Variants in PDE11A observed in about 807,000 individuals in gnomAD.
PDE11A encodes dual 3',5'-cyclic-AMP and -GMP phosphodiesterase 11A.
PDE11A carries 100 observed loss-of-function variants against 100.5 expected under a neutral mutation model. That is an observed-to-expected ratio of 1.00 (90% CI 0.85 to 1.18). PDE11A has a LOEUF of 1.18. PDE11A is among the 50% of genes most tolerant of loss of function. The pLI, the probability that PDE11A is intolerant of heterozygous loss-of-function variation, is 0.00. For synonymous variants in PDE11A, 381 were observed against 420.8 expected (o/e 0.91, Z 1.16); for missense variants, 1,141 against 1,152.6 (o/e 0.99, Z 0.15).
intron 2 of PDE11A, among the ~76,000 whole-genome samples, chr2:177,911,131 T>G (rs906089870): frequency 2.0e-5 from 3 of 152,228 alleles, no homozygotes; most frequent in African/African-American, 7.2e-5. Context: ...TGATAAAGCT[T>G]CACTGATTTG....
chr2:177,653,918 G>C (rs146477544), intron 19 of PDE11A, among the ~76,000 whole-genome samples: 357 of 152,316 alleles, frequency 2.3e-3, no homozygotes, highest in African/African-American at 8.2e-3. Flanking sequence ...CTGAAAGGCA[G>C]ATCGGCTGGC....
At chr2:177,837,534 C>T (rs7592278) in intron 6 of PDE11A, among the ~76,000 whole-genome samples, 15,811 of 149,868 alleles carry the variant, frequency 0.11, 1,126 homozygotes, top group Non-Finnish European at 0.15. Flanking sequence ...AGTGCAGTGG[C>T]GCGATCTCAG....
Position 178,057,115 on chromosome 2 carries a change from A to G in PDE11A, c.912+14411T>C, listed in dbSNP as rs185964703. 1.5e-3 allele frequency among the ~76,000 whole-genome samples: 225 copies of G among 152,318 alleles called. 2 individuals carry two copies. Among genetic ancestry groups the G allele is most frequent in the African/African-American group, 5.1e-3 (211 of 41,552 alleles). Reference sequence around the variant, plus strand: ...GAAGCATGATAGATAAATGCATTTAACTATTCCTTTGAGCTTTGGAGCATT... The same window carrying G: ...GAAGCATGATAGATAAATGCATTTAGCTATTCCTTTGAGCTTTGGAGCATT... On this transcript the variant is annotated intron_variant, in intron 1 of 19. Coordinates refer to ENST00000286063, the MANE Select transcript of PDE11A (RefSeq NM_016953.4).
At chr2:177,782,306 C>T (rs539492065) in intron 9 of PDE11A, among the ~76,000 whole-genome samples, 21 of 152,184 alleles carry the variant, frequency 1.4e-4, no homozygotes, top group Non-Finnish European at 2.5e-4. Context: ...GGGTCTATGT[C>T]CCTTCCCTTT....
At chr2:177,799,447 C>A (rs566932352) in intron 9 of PDE11A, among the ~76,000 whole-genome samples, 1 of 152,214 alleles carries the variant, frequency 6.6e-6, no homozygotes, top group East Asian at 1.9e-4. Context: ...TAAATCTAAA[C>A]TGTCATAAAA....
chr2:177,631,546 T>TATATATACATGTATATATATATATAC (rs1553529169), intron 19 of PDE11A, among the ~76,000 whole-genome samples: 1 of 16,616 alleles, frequency 6.0e-5, no homozygotes, highest in Non-Finnish European at 1.3e-4. Flanking sequence ...TATATATATA[T>TATATATACATGTATATATATATATAC]ACACATGTAT....
At chr2:178,101,997 T>G (rs1260238608) in intron 2 of PDE11A, among the ~76,000 whole-genome samples, 2 of 152,154 alleles carry the variant, frequency 1.3e-5, no homozygotes. Flanking sequence ...AGGGTCTCAC[T>G]CTGTCACCCA....
chr2:177,743,709 G>C (rs976032136), intron 10 of PDE11A, among the ~76,000 whole-genome samples: 4 of 152,188 alleles, frequency 2.6e-5, no homozygotes, highest in African/African-American at 7.2e-5. Context: ...TAACTAACTT[G>C]CTGGTAAGAA....
chr2:177,664,032 A>G lies in PDE11A; in HGVS notation c.2563-83T>C, dbSNP rs879056221. The G allele has an allele frequency of 2.5e-5, 21 of 828,492 alleles. No individual in the cohort carries two copies. In the East Asian group the frequency reaches 2.7e-4, roughly 11 times the overall value. The allele number at this position is 828,492 out of a possible 1,614,324, so 51.3% of individuals were successfully genotyped here. On this transcript the variant is annotated intron_variant, in intron 18 of 19. Transcript: ENST00000286063. The stretch of plus-strand genomic sequence containing the variant: ...CTTTGTCAAACACTTTGCTAGAATG[A>G]TCCATTTTTTTTACAAACTGAACCC...
intron 15 of PDE11A, chr2:177,683,250 G>C (rs544408540): frequency 6.6e-6 from 1 of 152,216 alleles, no homozygotes; most frequent in Non-Finnish European, 1.5e-5. Context: ...GCAGGTCAAG[G>C]CCATACTACA....
chr2:178,037,063 A>C (rs1390650418), intron 1 of PDE11A, among the ~76,000 whole-genome samples: 1 of 152,224 alleles, frequency 6.6e-6, no homozygotes, highest in Non-Finnish European at 1.5e-5. Context: ...AGCAAAAGAA[A>C]CTATCATCAG....
At chr2:177,746,992 G>A (rs1490418051) in intron 10 of PDE11A, among the ~76,000 whole-genome samples, 1 of 152,174 alleles carries the variant, frequency 6.6e-6, no homozygotes, top group Non-Finnish European at 1.5e-5. Context: ...AAAAACTGAG[G>A]ATAGAGGCAG....
chr2:177,946,630 G>A (rs2085435963), intron 2 of PDE11A, among the ~76,000 whole-genome samples: 2 of 128,126 alleles, frequency 1.6e-5, no homozygotes, highest in African/African-American at 5.7e-5. Flanking sequence ...CGTCCGGGAG[G>A]GAGGTGGGGG....
chr2:178,062,301 G>A lies in PDE11A; in HGVS notation c.912+9225C>T, dbSNP rs2086982134. On this transcript the variant is annotated intron_variant, in intron 1 of 19. Transcript: ENST00000286063. ...CCAATGATCAAAGATGGGGAAGTGA[G>A]AGAATCTGACTCCAGTCTCATATAC... Among the ~76,000 whole-genome samples, 3 of 147,588 alleles carry A rather than the reference G, an allele frequency of 2.0e-5. No individual in the cohort carries two copies. The South Asian group carries it at 6.4e-4, about 31-fold the overall frequency.
chr2:177,680,013 G>A lies in PDE11A; in HGVS notation c.2423+813C>T, dbSNP rs1370812287. ...AGGTGACATGAGGACAGCTACAGAG[G>A]GTGGGGCAGGCAGTGGCCTGTGTTC... On this transcript the variant is annotated intron_variant, in intron 16 of 19. Coordinates refer to ENST00000286063, the MANE Select transcript of PDE11A (RefSeq NM_016953.4). Among the ~76,000 whole-genome samples, 3 of 152,144 alleles carry A rather than the reference G, an allele frequency of 2.0e-5. No homozygotes were observed. In the East Asian group the frequency reaches 5.8e-4, roughly 29 times the overall value.
intron 4 of PDE11A, among the ~76,000 whole-genome samples, chr2:177,895,553 C>CAAAAAA (rs1293338206): frequency 1.6e-4 from 13 of 82,462 alleles, no homozygotes; most frequent in African/African-American, 5.9e-4. Flanking sequence ...GACTCCACCT[C>CAAAAAA]AAAAAAAAAA....
chr2:177,638,973 T>C (rs2080096878), intron 19 of PDE11A, among the ~76,000 whole-genome samples: 1 of 152,218 alleles, frequency 6.6e-6, no homozygotes, highest in African/African-American at 2.4e-5. Context: ...TCTGCAGATC[T>C]CTGGGCTTTT....
intron 19 of PDE11A, among the ~76,000 whole-genome samples, chr2:177,650,003 C>A (rs1369435790): frequency 6.6e-6 from 1 of 152,088 alleles, no homozygotes; most frequent in Non-Finnish European, 1.5e-5. Context: ...CTTATTTCCA[C>A]AAAGATCAAA....
chr2:177,945,470 C>T (rs1317385144), intron 2 of PDE11A, among the ~76,000 whole-genome samples: 1 of 143,396 alleles, frequency 7.0e-6, no homozygotes, highest in Non-Finnish European at 1.6e-5. Context: ...CTCTGCCCCG[C>T]CGCCCCATCT....
Sources: gnomAD v4.1 joint callset for allele counts (sites outside exome capture counted in the v4.1 genomes callset) on GRCh38, gnomAD v4.1.1 for gene constraint, MANE v1.5 for transcripts, NCBI Gene and HGNC (gene_info 2026-07-23, HGNC 2026-07-21) for gene names.